Variants in SLC7A8 observed in about 807,000 individuals in gnomAD.
SLC7A8 encodes the protein solute carrier family 7 member 8, also known as large neutral amino acids transporter small subunit 2.
SLC7A8 carries 30 observed loss-of-function variants against 51.2 expected under a neutral mutation model. The observed-to-expected ratio is 0.59, with a 90% confidence interval of 0.44 to 0.80. The LOEUF is 0.80. Ranked by LOEUF, SLC7A8 falls within the 30% of genes least tolerant of loss-of-function variation. The probability of loss-of-function intolerance (pLI) is 0.00; values close to 1 mark genes in which losing one functional copy is unlikely to be tolerated. For synonymous variants in SLC7A8, 257 were observed against 275.8 expected, an observed-to-expected ratio of 0.93 and a Z score of 0.67; for missense variants, 612 against 674.4, an observed-to-expected ratio of 0.91 and a Z score of 1.03.
chr14:23,182,593 T>A (rs913685116), intron 1 of SLC7A8, among the ~76,000 whole-genome samples, 171 bp downstream of exon 1: 4 of 152,214 alleles, frequency 2.6e-5, no homozygotes, highest in African/African-American at 9.6e-5. Flanking sequence ...AGATGTATGA[T>A]GTATTTCCTA....
At chr14:23,173,743 G>A (rs549585951) in intron 1 of SLC7A8, among the ~76,000 whole-genome samples, 1 of 152,118 alleles carries the variant, frequency 6.6e-6, no homozygotes, top group East Asian at 1.9e-4. Flanking sequence ...CCAAGCTCAA[G>A]CAATCCTCCC....
chr14:23,159,113 C>T (rs750167898), intron 3 of SLC7A8, among the ~76,000 whole-genome samples: 1 of 152,136 alleles, frequency 6.6e-6, no homozygotes, highest in Non-Finnish European at 1.5e-5. Context: ...TGTGTTTTTG[C>T]ATACGATTCT....
In SLC7A8 at chr14:23,127,450, C is replaced by G. The variant is rs1267880211; in HGVS notation, c.1442-107G>C. On this transcript the variant is annotated intron_variant, in intron 10 of 10. Transcript: ENST00000316902. The stretch of plus-strand genomic sequence containing the variant: ...TCTCCTGCTCCAGGTTCTGCCTCTT[C>G]AGAGCAGTCAGTGCGTTGAAGAGAA... The G allele has an allele frequency of 8.4e-6, 11 of 1,315,496 alleles. No individual in the cohort carries two copies. The Admixed American group carries it at 1.6e-4, about 19-fold the overall frequency. 81.5% of individuals were successfully genotyped at this position (1,315,496 alleles called of 1,614,324 possible).
intron 1 of SLC7A8, among the ~76,000 whole-genome samples, chr14:23,168,418 A>C (rs191991685): frequency 1.1e-4 from 16 of 152,340 alleles, no homozygotes; most frequent in African/African-American, 3.8e-4. Flanking sequence ...GAAATGAGAG[A>C]TCTAGAGACA....
At chr14:23,138,103 A>C (rs1482060305) in intron 6 of SLC7A8, 79 bp from the exon 7 acceptor site, 7 of 1,540,044 alleles carry the variant, frequency 4.5e-6, no homozygotes, top group African/African-American at 1.4e-5. Context: ...ACTCTGGGAA[A>C]CCGTTTCTCC....
chr14:23,133,139 T>TA (rs886370279), intron 7 of SLC7A8, among the ~76,000 whole-genome samples: 6 of 151,940 alleles, frequency 3.9e-5, no homozygotes, highest in Admixed American at 1.3e-4. Context: ...GGATTGAGTT[T>TA]AAAAAAATTA....
intron 7 of SLC7A8, among the ~76,000 whole-genome samples, chr14:23,133,483 A>G (rs573979398): frequency 1.3e-5 from 2 of 151,786 alleles, no homozygotes; most frequent in South Asian, 2.1e-4. Flanking sequence ...AATTGGAAAT[A>G]TCGTAAGTGC....
intron 7 of SLC7A8, among the ~76,000 whole-genome samples, chr14:23,136,382 A>G (rs2048690350): frequency 6.6e-6 from 1 of 152,236 alleles, no homozygotes; most frequent in Non-Finnish European, 1.5e-5. Flanking sequence ...AGACAAGACC[A>G]AGTGTAATTG....
At chr14:23,144,015 A>G (rs891029118) in intron 3 of SLC7A8, among the ~76,000 whole-genome samples, 3 of 152,256 alleles carry the variant, frequency 2.0e-5, no homozygotes, top group African/African-American at 7.2e-5. Context: ...ATAGCATTCT[A>G]TGATATAAAG....
At position 23,166,410 on chromosome 14, in the gene SLC7A8, A is replaced by T. The variant is rs776928494; in HGVS notation, c.282T>A (p.Ala94=). The T allele has an allele frequency of 8.1e-6, 13 of 1,614,098 alleles. No homozygotes were observed. Among genetic ancestry groups the T allele is most frequent in the Non-Finnish European group, 1.1e-5 (13 of 1,180,054 alleles). ...ATTTGGGGATGGTGACCCCGAGTTC[A>T]GCATAGCAGAGGGCTCCCACAACTG... ...FITVVGALCY[A]ELGVTIPKSG... is the part of the protein sequence containing the mutation. The change falls in exon 2 of 11, where the codon GCT becomes GCA. Residue 94 remains alanine, a synonymous_variant. Transcript: ENST00000316902.
intron 1 of SLC7A8, among the ~76,000 whole-genome samples, chr14:23,176,421 A>T (rs1444297027): frequency 6.6e-6 from 1 of 152,166 alleles, no homozygotes; most frequent in Non-Finnish European, 1.5e-5. Flanking sequence ...CATGCAATAT[A>T]TATCAGCCTC....
chr14:23,137,817 T>G, intron 7 of SLC7A8, 104 bp downstream of exon 7: 1 of 1,422,886 alleles, frequency 7.0e-7, no homozygotes, highest in Non-Finnish European at 9.6e-7. Context: ...AACATCCAGA[T>G]GCCCACACAG....
intron 1 of SLC7A8, 82 bp downstream of exon 1, chr14:23,182,682 A>G (rs1009188620): frequency 1.4e-6 from 2 of 1,444,428 alleles, no homozygotes; most frequent in Non-Finnish European, 1.9e-6. Context: ...AGGAAGAACA[A>G]TAATGCTTTC....
chr14:23,160,655 G>A lies in SLC7A8; in HGVS notation c.508+4630C>T, dbSNP rs114315883. 5.1e-3 allele frequency among the ~76,000 whole-genome samples: 782 copies of A among 151,918 alleles called. 1 individual carries two copies. Among genetic ancestry groups the A allele is most frequent in the African/African-American group, 0.018 (744 of 41,434 alleles). ...CAGCCAGAGTTGTACAGTAATAGAT[G>A]CACTTTATTTAGAACTATCCACTAG... On this transcript the variant is annotated intron_variant, in intron 3 of 10. Coordinates refer to ENST00000316902, the MANE Select transcript of SLC7A8 (RefSeq NM_012244.4).
At chr14:23,163,504 C>A (rs2048934412) in intron 3 of SLC7A8, among the ~76,000 whole-genome samples, 1 of 152,300 alleles carries the variant, frequency 6.6e-6, no homozygotes, top group Non-Finnish European at 1.5e-5. Flanking sequence ...CCAGGGTTGA[C>A]CAGCACTGCC....
At chr14:23,151,125 C>T (rs1175441856) in intron 3 of SLC7A8, among the ~76,000 whole-genome samples, 2 of 152,212 alleles carry the variant, frequency 1.3e-5, no homozygotes, top group Admixed American at 6.5e-5. Context: ...GGTTGCTGCC[C>T]GTGCTGCCCC....
intron 3 of SLC7A8, among the ~76,000 whole-genome samples, chr14:23,159,053 C>T (rs1004107448): frequency 9.9e-5 from 15 of 152,156 alleles, no homozygotes; most frequent in South Asian, 2.1e-4. Context: ...TTTGAAGCCC[C>T]GTTCTCTGTG....
chr14:23,133,698 G>A (rs1189321587), intron 7 of SLC7A8, among the ~76,000 whole-genome samples: 1 of 152,016 alleles, frequency 6.6e-6, no homozygotes, highest in Non-Finnish European at 1.5e-5. Flanking sequence ...GTGGTGGCAC[G>A]TGCCTATAAT....
intron 1 of SLC7A8, among the ~76,000 whole-genome samples, chr14:23,168,635 G>A (rs551100770): frequency 1.3e-5 from 2 of 152,314 alleles, no homozygotes; most frequent in East Asian, 3.9e-4. Context: ...GAAAAGGGAG[G>A]AGTGTATAGC....
Sources: allele counts gnomAD v4.1 joint callset (sites outside exome capture counted in the v4.1 genomes callset), GRCh38; gene constraint gnomAD v4.1.1; transcripts MANE v1.5; gene names NCBI Gene and HGNC (gene_info 2026-07-23, HGNC 2026-07-21).